NRXN3: variants seen among roughly 807,000 people sequenced by gnomAD.
The protein encoded by NRXN3 is neurexin III.
NRXN3 carries 32 observed loss-of-function variants against 137.6 expected under a neutral mutation model. That is an observed-to-expected ratio of 0.23 (90% CI 0.18 to 0.31). The LOEUF (loss-of-function observed/expected upper bound fraction) is 0.31. NRXN3 is among the 10% of genes least tolerant of loss of function. NRXN3 has a pLI of 1.00. For missense variants in NRXN3, 1,574 were observed against 2,062.5 expected (o/e 0.76, Z 4.59); for synonymous variants, 798 against 784.5 (o/e 1.02, Z -0.29).
intron 19 of NRXN3, among the ~76,000 whole-genome samples, chr14:79,775,471 T>C (rs2099093805): frequency 6.7e-6 from 1 of 150,350 alleles, no homozygotes; most frequent in African/African-American, 2.5e-5. Flanking sequence ...AAAGATTAAA[T>C]TATTCATAGG....
intron 1 of NRXN3, among the ~76,000 whole-genome samples, chr14:78,194,641 A>G (rs1184462126): frequency 2.6e-5 from 4 of 152,082 alleles, no homozygotes; most frequent in African/African-American, 9.7e-5. Context: ...AGAGCTACCT[A>G]TGCTGCGGGT....
chr14:78,616,709 C>T (rs2097350881), intron 4 of NRXN3, among the ~76,000 whole-genome samples: 1 of 152,178 alleles, frequency 6.6e-6, no homozygotes, highest in Non-Finnish European at 1.5e-5. Context: ...CCCAAGAGGG[C>T]ACAGATGGGC....
chr14:78,520,136 G>A (rs2096266061), intron 4 of NRXN3, among the ~76,000 whole-genome samples: 1 of 152,120 alleles, frequency 6.6e-6, no homozygotes, highest in Non-Finnish European at 1.5e-5. Context: ...CATTCTGCAT[G>A]CAGTAATTAC....
chr14:78,435,454 T>C (rs2094030384), intron 4 of NRXN3, among the ~76,000 whole-genome samples: 1 of 152,212 alleles, frequency 6.6e-6, no homozygotes, highest in Admixed American at 6.5e-5. Flanking sequence ...CTAAGCAGTA[T>C]TGCTCTGCCT....
chr14:79,360,991 C>T (rs996842829), intron 15 of NRXN3, among the ~76,000 whole-genome samples: 12 of 152,154 alleles, frequency 7.9e-5, no homozygotes, highest in African/African-American at 2.9e-4. Flanking sequence ...AAACTCTAGT[C>T]CTTTAAATAT....
In NRXN3 at chr14:78,779,233, A is replaced by C. The variant is rs74064962; in HGVS notation, c.2045-24387A>C. 7.4e-3 allele frequency among the ~76,000 whole-genome samples: 1,125 copies of C among 152,202 alleles called. 13 individuals carry two copies. Among genetic ancestry groups the C allele is most frequent in the African/African-American group, 0.025 (1,021 of 41,550 alleles). On this transcript the variant is annotated intron_variant, in intron 8 of 20. Transcript: ENST00000335750. ...TGAGAATGATACAGCATCAGATAAT[A>C]AATTTAATATAAATAATGATATTAA...
chr14:78,233,212 C>T (rs994793168), intron 1 of NRXN3, among the ~76,000 whole-genome samples: 1 of 152,170 alleles, frequency 6.6e-6, no homozygotes, highest in Non-Finnish European at 1.5e-5. Flanking sequence ...ATTCATTGTT[C>T]TTCCCAATTT....
At chr14:78,494,281 GT>G (rs1599437162) in intron 4 of NRXN3, among the ~76,000 whole-genome samples, 1 of 152,158 alleles carries the variant, frequency 6.6e-6, no homozygotes, top group African/African-American at 2.4e-5. Flanking sequence ...TTGGTTTTTA[GT>G]CATTCTCTTT....
intron 8 of NRXN3, among the ~76,000 whole-genome samples, chr14:78,770,236 A>T (rs1393115150): frequency 6.6e-6 from 1 of 152,108 alleles, no homozygotes; most frequent in Non-Finnish European, 1.5e-5. Flanking sequence ...AGCGCTGGTA[A>T]ATGTTGGGTT....
intron 6 of NRXN3, among the ~76,000 whole-genome samples, chr14:78,664,298 C>T (rs1240508347): frequency 6.6e-6 from 1 of 152,136 alleles, no homozygotes; most frequent in African/African-American, 2.4e-5. Flanking sequence ...TCATTGCTAC[C>T]TTCTTCCCCT....
At chr14:78,585,425 T>C (rs2097052854) in intron 4 of NRXN3, among the ~76,000 whole-genome samples, 1 of 152,100 alleles carries the variant, frequency 6.6e-6, no homozygotes, top group South Asian at 2.1e-4. Flanking sequence ...GACGGAGCCA[T>C]GGACAAATTG....
Position 78,532,375 on chromosome 14 carries a change from TTGTGTGTG to T in NRXN3, c.758-112709_758-112702del, listed in dbSNP as rs56788209. Reference sequence around the variant, plus strand: ...AAAGAAAAAGAAAATTGATGATATTTTGTGTGTGTGTGTGTGTGTGTGTGTGTGTGTGT... The same window carrying T: ...AAAGAAAAAGAAAATTGATGATATTTTGTGTGTGTGTGTGTGTGTGTGTGT... On this transcript the variant is annotated intron_variant, in intron 4 of 20. Transcript: ENST00000335750. Among the ~76,000 whole-genome samples the T allele has an allele frequency of 3.3e-3, 456 of 138,658 alleles. 1 individual carries two copies. The highest frequency in any genetic ancestry group is 6.5e-3 in the African/African-American group (241 of 37,004). The allele number at this position is 138,658 out of a possible 152,430, so 91.0% of individuals were successfully genotyped here. A position where few individuals can be genotyped will look rare whatever the true frequency, so the allele number is the denominator to read the frequency against.
chr14:78,229,932 A>T (rs1056996484), intron 1 of NRXN3, among the ~76,000 whole-genome samples: 1 of 152,174 alleles, frequency 6.6e-6, no homozygotes, highest in African/African-American at 2.4e-5. Flanking sequence ...TCACTGGGTC[A>T]CTGTTCCCTC....
At chr14:78,850,897 C>T (rs1282761860) in intron 10 of NRXN3, among the ~76,000 whole-genome samples, 1 of 152,118 alleles carries the variant, frequency 6.6e-6, no homozygotes, top group Admixed American at 6.6e-5. Context: ...TGTTTTACTG[C>T]TTTCAGGGAA....
At chr14:79,338,176 C>T (rs983421272) in intron 15 of NRXN3, among the ~76,000 whole-genome samples, 3 of 150,956 alleles carry the variant, frequency 2.0e-5, no homozygotes, top group Non-Finnish European at 4.4e-5. Context: ...CCAAGTTCTC[C>T]CATGAGCCCA....
At chr14:79,851,244 A>G (rs1322188349) in intron 20 of NRXN3, among the ~76,000 whole-genome samples, 1 of 152,144 alleles carries the variant, frequency 6.6e-6, no homozygotes, top group African/African-American at 2.4e-5. Flanking sequence ...ATGTCATTTG[A>G]TGCCTTTTGA....
chr14:79,606,690 A>C (rs1245317717), intron 16 of NRXN3, among the ~76,000 whole-genome samples: 8 of 152,226 alleles, frequency 5.3e-5, no homozygotes, highest in Admixed American at 1.3e-4. Context: ...ACAGGTACTT[A>C]TTGAGCATCT....
At chr14:79,031,863 T>A (rs1168119615) in intron 15 of NRXN3, among the ~76,000 whole-genome samples, 1 of 152,170 alleles carries the variant, frequency 6.6e-6, no homozygotes, top group Admixed American at 6.6e-5. Context: ...GTTGTTGTTG[T>A]CTGTTTGTTT....
At chr14:79,108,364 T>G (rs2052841617) in intron 15 of NRXN3, among the ~76,000 whole-genome samples, 1 of 152,198 alleles carries the variant, frequency 6.6e-6, no homozygotes, top group Admixed American at 6.5e-5. Context: ...ACTTCAAGAC[T>G]ATATCCATCA....
Sources: allele counts gnomAD v4.1 joint callset (sites outside exome capture counted in the v4.1 genomes callset), GRCh38; gene constraint gnomAD v4.1.1; transcripts MANE v1.5; gene names NCBI Gene and HGNC (gene_info 2026-07-23, HGNC 2026-07-21).